The following GAS2L1 variants were observed in gnomAD, a reference collection of about 807,000 sequenced individuals.
GAS2L1 encodes the protein GAS2-like protein 1.
Under a neutral mutation model 44.0 loss-of-function variants are expected in GAS2L1, and 26 were observed. The observed-to-expected ratio is 0.59, with a 90% CI of 0.43 to 0.82. The LOEUF (loss-of-function observed/expected upper bound fraction) is 0.82. Among genes scored for constraint, GAS2L1 ranks in the 40% least tolerant of loss-of-function variants. The pLI, the probability that GAS2L1 is intolerant of heterozygous loss-of-function variation, is 0.00. For missense variants in GAS2L1, 1,006 were observed against 983.0 expected (o/e 1.02, Z -0.31); for synonymous variants, 426 against 415.9 (o/e 1.02, Z -0.30).
chr22:29,308,696 C>T (rs754742383), exon 1 of GAS2L1: 1 of 1,503,302 alleles, frequency 6.7e-7, no homozygotes. Flanking sequence ...CTGCCCGCGG[C>T]CCCCGCATGA....
Position 29,310,415 on chromosome 22 carries a change from C to T in GAS2L1, c.634-24C>T, listed in dbSNP as rs757403592. ...CAGGAGGAGGACTTGACCTCTGACC[C>T]CTACCCTCTCTCTCTGGCCTCAGGT... On this transcript the variant is annotated intron_variant, in intron 1 of 4. Transcript: ENST00000618518. The T allele has an allele frequency of 4.4e-6, 6 of 1,354,210 alleles. No individual in the cohort carries two copies. In the African/African-American group the frequency reaches 5.7e-5, roughly 13 times the overall value. 83.9% of individuals were successfully genotyped at this position (1,354,210 alleles called of 1,614,324 possible).
exon 1 of GAS2L1, chr22:29,307,335 T>TG (rs1282091952): frequency 6.6e-6 from 1 of 152,092 alleles, no homozygotes; most frequent in Non-Finnish European, 1.5e-5. Flanking sequence ...CTCTGAGTCC[T>TG]GGCCCCGCAG....
rs766729816 is a variant in GAS2L1, at chr22:29,308,353, G to A, written c.248G>A (p.Arg83Gln). ...GCATTGGCAGCCGCCCGCCCGGCCC[G>A]AGGTGTGGCCTTCCAGGCGCACAGT... Residue 83 changes from arginine (R) to glutamine (Q), a missense_variant, in exon 1 of 5, where the codon CGA becomes CAA. Physicochemically the swap from Arg to Gln is conservative, Grantham distance 43. Coordinates refer to ENST00000618518, the Ensembl canonical transcript of GAS2L1. 3.7e-6 allele frequency: 6 copies of A among 1,604,672 alleles called. No individual in the cohort carries two copies. The African/African-American group carries it at 4.0e-5, about 11-fold the overall frequency.
intron 1 of GAS2L1, among the ~76,000 whole-genome samples, chr22:29,309,653 C>T (rs1281636384): frequency 6.6e-6 from 1 of 152,196 alleles, no homozygotes; most frequent in Non-Finnish European, 1.5e-5. Flanking sequence ...GTATGTGGTG[C>T]GTGCTCACCC....
At position 29,307,835 on chromosome 22, in the gene GAS2L1, A is replaced by G. The variant is rs1432002144; in HGVS notation, c.-271A>G. ...CAGCCAAGCCCCAGTTTCCACCGCA[A>G]AAAGCCACACAGCAAACACTTAATG... On this transcript the variant is annotated 5_prime_UTR_variant, in exon 1 of 5. Coordinates refer to ENST00000618518, the Ensembl canonical transcript of GAS2L1. 5.0e-5 allele frequency: 16 copies of G among 322,028 alleles called. No individual in the cohort carries two copies. In the East Asian group the frequency reaches 7.6e-4, roughly 15 times the overall value. The allele number at this position is 322,028 out of a possible 1,614,324, so 19.9% of individuals were successfully genotyped here.
chr22:29,307,031 CGAG>C (rs1355126480), upstream of GAS2L1: 2 of 151,712 alleles, frequency 1.3e-5, no homozygotes, highest in East Asian at 2.0e-4. Flanking sequence ...GAGACGGCGG[CGAG>C]GAGGAGGCCG....
Position 29,311,741 on chromosome 22 carries a change from T to C in GAS2L1, c.1290T>C (p.Pro430=), listed in dbSNP as rs1191104683. Residue 430 remains proline, a synonymous_variant, in exon 5 of 5, where the codon CCT becomes CCC. Transcript: ENST00000618518. Reference sequence around the variant, plus strand: ...GAGCCCAGCTGTCGGTCCCCAGCCCTGCCCGGCGGGCCCGGAGCCAGAGCC... The same window carrying C: ...GAGCCCAGCTGTCGGTCCCCAGCCCCGCCCGGCGGGCCCGGAGCCAGAGCC... 2.6e-6 allele frequency: 4 copies of C among 1,533,510 alleles called. No homozygotes were observed. In the South Asian group the frequency reaches 4.8e-5, roughly 18 times the overall value. The allele number at this position is 1,533,510 out of a possible 1,614,324, so 95.0% of individuals were successfully genotyped here.
chr22:29,312,310 G>T, exon 5 of GAS2L1: 2 of 1,608,164 alleles, frequency 1.2e-6, no homozygotes, highest in Non-Finnish European at 1.7e-6. Context: ...GCACCTGGGA[G>T]CCCCCTGGCT....
chr22:29,310,467 G>A, exon 2 of GAS2L1: 1 of 1,610,284 alleles, frequency 6.2e-7, no homozygotes, highest in Non-Finnish European at 8.5e-7. Context: ...CGCTGCACCT[G>A]CCCTGACCAG....
chr22:29,312,407 C>T (rs575490196), exon 5 of GAS2L1: 3 of 1,564,958 alleles, frequency 1.9e-6, no homozygotes, highest in South Asian at 1.2e-5. Flanking sequence ...CGCCTCGGGG[C>T]CCCCGCCGCC....
chr22:29,311,134 C>A (rs985794524), intron 4 of GAS2L1, 136 bp downstream of exon 5: 1 of 817,354 alleles, frequency 1.2e-6, no homozygotes, highest in South Asian at 1.8e-5. Flanking sequence ...GCGGGCCTGG[C>A]TTCCCATCTC....
chr22:29,308,892 C>T (rs969942272), intron 1 of GAS2L1, among the ~76,000 whole-genome samples, 154 bp downstream of exon 2: 1 of 152,228 alleles, frequency 6.6e-6, no homozygotes, highest in African/African-American at 2.4e-5. Flanking sequence ...GGAATGTATA[C>T]CTGACCCCAA....
At chr22:29,310,314 G>A (rs553116427) in intron 1 of GAS2L1, 125 bp from the exon 3 acceptor site, 84 of 650,958 alleles carry the variant, frequency 1.3e-4, no homozygotes, top group South Asian at 6.5e-4. Flanking sequence ...TACCCCATCC[G>A]GGGCAACACT....
At chr22:29,311,038 T>TG (rs746450559) in intron 4 of GAS2L1, 40 bp downstream of exon 5, 55 of 1,571,648 alleles carry the variant, frequency 3.5e-5, no homozygotes, top group East Asian at 2.5e-4. Flanking sequence ...GTCCAGAGGG[T>TG]GGGGGGGCGT....
In GAS2L1 at chr22:29,308,625, G is replaced by GC; in HGVS notation, c.525dup (p.Asn176GlnfsTer11). The GC allele has an allele frequency of 1.3e-6, 2 of 1,583,854 alleles. No homozygotes were observed. Among genetic ancestry groups the GC allele is most frequent in the Admixed American group, 1.7e-5 (1 of 57,798 alleles). ...GCGGGAGCTGCGTGCTGCACCCCCAGCCCCCAACGCCCCTGCCGCTGGGGA... is the reference window on the plus strand; with the variant it reads ...GCGGGAGCTGCGTGCTGCACCCCCAGCCCCCCAACGCCCCTGCCGCTGGGGA... On this transcript the variant is annotated frameshift_variant, in exon 1 of 5. Coordinates refer to ENST00000618518, the Ensembl canonical transcript of GAS2L1. LOFTEE classifies it high-confidence loss of function.
chr22:29,312,408 C>A, exon 5 of GAS2L1: 1 of 1,565,572 alleles, frequency 6.4e-7, no homozygotes, highest in Non-Finnish European at 8.7e-7. Context: ...GCCTCGGGGC[C>A]CCCGCCGCCC....
At chr22:29,308,484 CTGGTGCTGCGCAAGAACGAGAAGAGCG>C in exon 1 of GAS2L1, 1 of 1,608,840 alleles carries the variant, frequency 6.2e-7, no homozygotes. Context: ...GACTGAGGAC[CTGGTGCTGCGCAAGAACGAGAAGAGCG>C]TGGTGCTGTG....
In GAS2L1 at chr22:29,310,435, T is replaced by A. The variant is rs1437831500; in HGVS notation, c.634-4T>A. The A allele has an allele frequency of 6.5e-7, 1 of 1,546,018 alleles. No homozygotes were observed. Among genetic ancestry groups the A allele is most frequent in the East Asian group, 2.2e-5 (1 of 44,514 alleles). ...TGACCCCTACCCTCTCTCTCTGGCC[T>A]CAGGTGAGGGAGATTCTGGGCCGCT... On this transcript the variant is annotated splice_region_variant and splice_polypyrimidine_tract_variant and intron_variant, in intron 1 of 4. Coordinates refer to ENST00000618518, the Ensembl canonical transcript of GAS2L1.
At chr22:29,312,116 T>C in exon 5 of GAS2L1, 1 of 1,612,726 alleles carries the variant, frequency 6.2e-7, no homozygotes, top group South Asian at 1.1e-5. Flanking sequence ...ACCCTCCAGC[T>C]CCTGACTCTG....
Sources: gnomAD v4.1 joint callset for allele counts (sites outside exome capture counted in the v4.1 genomes callset) on GRCh38, gnomAD v4.1.1 for gene constraint, MANE v1.5 for transcripts, NCBI Gene and HGNC (gene_info 2026-07-23, HGNC 2026-07-21) for gene names.